ATXN1: variants seen among roughly 807,000 people sequenced by gnomAD.
The protein encoded by ATXN1 is ataxin 1.
ATXN1 carries 8 observed loss-of-function variants against 56.4 expected under a neutral mutation model. The observed-to-expected ratio is 0.14, with a 90% CI of 0.08 to 0.26. The LOEUF is 0.26. ATXN1 is among the 10% of genes least tolerant of loss of function. The pLI, the probability that ATXN1 is intolerant of heterozygous loss-of-function variation, is 1.00. For missense variants in ATXN1, 987 were observed against 1,106.5 expected (o/e 0.89, Z 1.53); for synonymous variants, 514 against 494.6 (o/e 1.04, Z -0.52).
At chr6:16,708,791 CAAGGCAGGTGG>C (rs1362205375) in intron 2 of ATXN1, among the ~76,000 whole-genome samples, 2 of 152,084 alleles carry the variant, frequency 1.3e-5, no homozygotes, top group African/African-American at 4.8e-5. Flanking sequence ...TTTGGGAGGC[CAAGGCAGGTGG>C]AACACCTGAG....
chr6:16,406,316 C>G (rs1456407740), intron 6 of ATXN1, among the ~76,000 whole-genome samples: 1 of 152,178 alleles, frequency 6.6e-6, no homozygotes, highest in Non-Finnish European at 1.5e-5. Flanking sequence ...CTAAATAAAA[C>G]TTTAAATAAA....
chr6:16,328,405 G>A lies in ATXN1; in HGVS notation c.-95C>T. The A allele has an allele frequency of 5.8e-6, 8 of 1,386,576 alleles. No homozygotes were observed. The highest frequency in any genetic ancestry group is 7.5e-6 in the Non-Finnish European group (8 of 1,073,372). The allele number at this position is 1,386,576 out of a possible 1,614,324, so 85.9% of individuals were successfully genotyped here. A position where few individuals can be genotyped will look rare whatever the true frequency, so the allele number is the denominator to read the frequency against. ...GAAAGTCACATTTGATTTCTGTAGGGGATCCAGGCTCTTCATGAGGAATCA... is the reference window on the plus strand; with the variant it reads ...GAAAGTCACATTTGATTTCTGTAGGAGATCCAGGCTCTTCATGAGGAATCA... On this transcript the variant is annotated 5_prime_UTR_variant, in exon 7 of 8. Transcript: ENST00000436367. The surrounding 1 kb of genome is among the most constrained non-coding windows in gnomAD (Gnocchi z 6.2).
intron 6 of ATXN1, among the ~76,000 whole-genome samples, chr6:16,456,419 C>G (rs1759874396): frequency 6.6e-6 from 1 of 152,198 alleles, no homozygotes; most frequent in Non-Finnish European, 1.5e-5. Context: ...ATGTCAGGCT[C>G]TCTGGGAAAG....
intron 6 of ATXN1, among the ~76,000 whole-genome samples, chr6:16,376,130 C>A (rs1053593851): frequency 6.6e-6 from 1 of 152,188 alleles, no homozygotes; most frequent in Non-Finnish European, 1.5e-5. Context: ...ATTCTTCATG[C>A]GGTTCTCATG....
intron 3 of ATXN1, among the ~76,000 whole-genome samples, chr6:16,601,941 C>A (rs1273567799): frequency 6.6e-6 from 1 of 152,158 alleles, no homozygotes; most frequent in African/African-American, 2.4e-5. Flanking sequence ...CAAGCGTAAT[C>A]TATTTTGCAA....
intron 6 of ATXN1, among the ~76,000 whole-genome samples, chr6:16,398,986 C>T (rs755046025): frequency 1.3e-5 from 2 of 152,222 alleles, no homozygotes; most frequent in Non-Finnish European, 2.9e-5. Context: ...AGAGGACGAT[C>T]GTGTGCTATT....
chr6:16,572,817 A>G (rs560793996), intron 4 of ATXN1, among the ~76,000 whole-genome samples: 1 of 152,316 alleles, frequency 6.6e-6, no homozygotes, highest in South Asian at 2.1e-4. Context: ...TTTCTTCTAT[A>G]AAGTTCAGTA....
chr6:16,707,326 T>C (rs888917351), intron 2 of ATXN1, among the ~76,000 whole-genome samples: 4 of 152,140 alleles, frequency 2.6e-5, no homozygotes, highest in Admixed American at 6.5e-5. Flanking sequence ...AGAAATCTGA[T>C]ATTTGCCACT....
chr6:16,462,457 GA>G (rs1760018744), intron 6 of ATXN1, among the ~76,000 whole-genome samples: 1 of 152,150 alleles, frequency 6.6e-6, no homozygotes, highest in South Asian at 2.1e-4. Flanking sequence ...AAGGATAAGT[GA>G]AAACCTACAT....
At chr6:16,412,014 A>T (rs998447173) in intron 6 of ATXN1, among the ~76,000 whole-genome samples, 2 of 152,222 alleles carry the variant, frequency 1.3e-5, no homozygotes, top group African/African-American at 4.8e-5. Flanking sequence ...TATTAGTTGA[A>T]GACATGACCA....
At chr6:16,693,962 T>G (rs907588972) in intron 2 of ATXN1, among the ~76,000 whole-genome samples, 1 of 152,220 alleles carries the variant, frequency 6.6e-6, no homozygotes, top group Non-Finnish European at 1.5e-5. Context: ...TCAAAAGAAC[T>G]TGGCCTTGCC....
At chr6:16,657,462 GGTAGAT>G (rs1758230433) in intron 3 of ATXN1, among the ~76,000 whole-genome samples, 1 of 152,178 alleles carries the variant, frequency 6.6e-6, no homozygotes, top group African/African-American at 2.4e-5. Flanking sequence ...TGGAGTATCT[GGTAGAT>G]GTAGTTTATT....
intron 6 of ATXN1, among the ~76,000 whole-genome samples, chr6:16,443,051 G>A (rs1298468636): frequency 6.6e-6 from 1 of 151,722 alleles, no homozygotes; most frequent in East Asian, 1.9e-4. Flanking sequence ...GCATGGTGGG[G>A]CACACCTGTA....
At chr6:16,724,466 T>G (rs999759709) in intron 2 of ATXN1, among the ~76,000 whole-genome samples, 1 of 152,124 alleles carries the variant, frequency 6.6e-6, no homozygotes, top group Non-Finnish European at 1.5e-5. Flanking sequence ...AGACGACCTG[T>G]GCACTTCACT....
At chr6:16,573,845 A>G (rs535437760) in intron 4 of ATXN1, among the ~76,000 whole-genome samples, 3 of 152,104 alleles carry the variant, frequency 2.0e-5, no homozygotes, top group Non-Finnish European at 2.9e-5. Flanking sequence ...CATCCTGTTA[A>G]GGTCCCTGTC....
chr6:16,388,651 C>T (rs530251454), intron 6 of ATXN1, among the ~76,000 whole-genome samples: 11 of 152,308 alleles, frequency 7.2e-5, no homozygotes, highest in African/African-American at 2.6e-4. Context: ...TGGCATGATT[C>T]AATAAGATTC....
At position 16,300,592 on chromosome 6, in the gene ATXN1, TA is replaced by T. The variant is rs1297324908; in HGVS notation, c.*5736del. The T allele has an allele frequency of 6.6e-6, 1 of 152,306 alleles. No homozygotes were observed. Among genetic ancestry groups the T allele is most frequent in the African/African-American group, 2.4e-5 (1 of 41,396 alleles). The allele number at this position is 152,306 out of a possible 1,614,324, so 9.4% of individuals were successfully genotyped here. A position where few individuals can be genotyped will look rare whatever the true frequency, so the allele number is the denominator to read the frequency against. ...AATAAAAATCAAAATAAAACTAAAA[TA>T]AAATGAGGCATTTACATTGAAATCA... On this transcript the variant is annotated 3_prime_UTR_variant, in exon 8 of 8. Coordinates refer to ENST00000436367, the MANE Select transcript of ATXN1 (RefSeq NM_001128164.2).
chr6:16,357,574 C>T (rs913293083), intron 6 of ATXN1, among the ~76,000 whole-genome samples: 8 of 152,174 alleles, frequency 5.3e-5, no homozygotes, highest in African/African-American at 1.9e-4. Context: ...CTGGCCAAGA[C>T]ATTTTAATTA....
chr6:16,682,306 C>T (rs1269461793), intron 2 of ATXN1, among the ~76,000 whole-genome samples: 3 of 149,240 alleles, frequency 2.0e-5, no homozygotes, highest in African/African-American at 5.0e-5. Flanking sequence ...AAGTGATTCT[C>T]GTGCCTCAGC....
Sources: allele counts gnomAD v4.1 joint callset (sites outside exome capture counted in the v4.1 genomes callset), GRCh38; gene constraint gnomAD v4.1.1; non-coding constraint Gnocchi (gnomAD v3.1); transcripts MANE v1.5; gene names NCBI Gene and HGNC (gene_info 2026-07-23, HGNC 2026-07-21).